Variants in OCA2 observed in about 807,000 individuals in gnomAD.
The protein encoded by OCA2 is P protein.
Under a neutral mutation model 100.2 loss-of-function variants are expected in OCA2, and 77 were observed. The observed-to-expected ratio is 0.77, with a 90% CI of 0.64 to 0.93. The LOEUF is 0.93. Ranked by LOEUF, OCA2 falls within the 40% of genes least tolerant of loss-of-function variation. OCA2 has a pLI of 0.00. For synonymous variants in OCA2, 432 were observed against 439.2 expected (o/e 0.98, Z 0.21); for missense variants, 1,062 against 1,089.1 (o/e 0.98, Z 0.35).
intron 2 of OCA2, among the ~76,000 whole-genome samples, chr15:28,057,416 G>A (rs925446162): frequency 6.6e-6 from 1 of 152,078 alleles, no homozygotes; most frequent in African/African-American, 2.4e-5. Context: ...GGCCTGCACT[G>A]TGAGAAGCCT....
intron 18 of OCA2, among the ~76,000 whole-genome samples, chr15:27,949,084 A>G (rs917322890): frequency 1.3e-5 from 2 of 150,550 alleles, no homozygotes; most frequent in Non-Finnish European, 3.0e-5. Context: ...GCTCTATGAT[A>G]ATAAAAAAAA....
chr15:27,831,386 G>A (rs1650644153), intron 23 of OCA2, among the ~76,000 whole-genome samples: 1 of 151,876 alleles, frequency 6.6e-6, no homozygotes, highest in Non-Finnish European at 1.5e-5. Flanking sequence ...GCTGCATTTC[G>A]GAAATTTCCA....
At chr15:27,838,032 C>T (rs557633245) in intron 23 of OCA2, among the ~76,000 whole-genome samples, 1 of 152,136 alleles carries the variant, frequency 6.6e-6, no homozygotes, top group Non-Finnish European at 1.5e-5. Context: ...GCTGACTGCC[C>T]CGTGCAAGGC....
intron 23 of OCA2, among the ~76,000 whole-genome samples, chr15:27,811,093 A>C (rs2034057306): frequency 6.6e-6 from 1 of 152,210 alleles, no homozygotes; most frequent in Non-Finnish European, 1.5e-5. Flanking sequence ...AGCGCAATTC[A>C]CAACTGCAAA....
the OCA2 span, among the ~76,000 whole-genome samples, chr15:27,727,960 G>A: frequency 6.6e-6 from 1 of 152,170 alleles, no homozygotes; most frequent in Admixed American, 6.5e-5. Context: ...GGACATCTTT[G>A]GGGATGAAGC....
intron 19 of OCA2, among the ~76,000 whole-genome samples, chr15:27,914,389 A>G (rs1050743607): frequency 6.6e-6 from 1 of 152,160 alleles, no homozygotes; most frequent in African/African-American, 2.4e-5. Flanking sequence ...AAGAAATAAA[A>G]GACATCCAAA....
chr15:27,985,122 G>T lies in OCA2; in HGVS notation c.1306C>A (p.Leu436Ile), dbSNP rs2041306820. 1 of 1,613,936 alleles carries T rather than the reference G, an allele frequency of 6.2e-7. No homozygotes were observed. The highest frequency in any genetic ancestry group is 1.7e-5 in the Admixed American group (1 of 60,004). ...GTGACGTTGTCCAAGAAGGCAGAGA[G>T]GACGGCCGCGATGAGACAGAGCATG... ...IIMLCLIAAV[L>I]SAFLDNVTTM... Residue 436 changes from leucine (L) to isoleucine (I), a missense_variant, in exon 13 of 24, where the codon CTC (leucine) becomes ATC (isoleucine). Coordinates refer to ENST00000354638, the MANE Select transcript of OCA2 (RefSeq NM_000275.3).
the OCA2 span, among the ~76,000 whole-genome samples, chr15:27,730,074 C>T: frequency 1.3e-5 from 2 of 152,188 alleles, no homozygotes; most frequent in Non-Finnish European, 2.9e-5. Flanking sequence ...TCCCTCAAGA[C>T]CACCCCAACT....
At chr15:27,892,135 C>T (rs1197712332) in intron 19 of OCA2, among the ~76,000 whole-genome samples, 2 of 152,112 alleles carry the variant, frequency 1.3e-5, no homozygotes, top group South Asian at 2.1e-4. Flanking sequence ...ATAAATAACT[C>T]ACCCTCAGAA....
chr15:27,995,813 C>CTTTT (rs768060710), intron 9 of OCA2, among the ~76,000 whole-genome samples: 1 of 136,816 alleles, frequency 7.3e-6, no homozygotes. Flanking sequence ...TTAAGCAACA[C>CTTTT]TTTTTTTTTT....
intron 23 of OCA2, among the ~76,000 whole-genome samples, chr15:27,833,356 C>A (rs1259059195): frequency 1.3e-5 from 2 of 152,166 alleles, no homozygotes; most frequent in African/African-American, 4.8e-5. Flanking sequence ...TGCGGAGCTG[C>A]ACTCCATTGT....
chr15:27,916,592 T>G (rs1170302303), intron 19 of OCA2, among the ~76,000 whole-genome samples: 1 of 152,208 alleles, frequency 6.6e-6, no homozygotes, highest in Non-Finnish European at 1.5e-5. Flanking sequence ...CTTCTAAATC[T>G]GCAGAAACAT....
intron 19 of OCA2, among the ~76,000 whole-genome samples, chr15:27,882,005 T>C (rs910245471): frequency 6.6e-6 from 1 of 152,180 alleles, no homozygotes; most frequent in Admixed American, 6.5e-5. Flanking sequence ...GATGTGGGCA[T>C]TTGGTGCTGT....
chr15:27,941,855 A>G (rs1369847248), intron 18 of OCA2, among the ~76,000 whole-genome samples: 2 of 152,240 alleles, frequency 1.3e-5, no homozygotes, highest in Non-Finnish European at 2.9e-5. Flanking sequence ...ACAAGTTCAC[A>G]TGTTATTTAG....
chr15:27,720,081 G>C, the OCA2 span, among the ~76,000 whole-genome samples: 1 of 152,184 alleles, frequency 6.6e-6, no homozygotes, highest in Non-Finnish European at 1.5e-5. Context: ...GGTAATTAAA[G>C]TATTAAGTAT....
intron 2 of OCA2, among the ~76,000 whole-genome samples, chr15:28,046,852 G>A (rs1417143650): frequency 6.6e-6 from 1 of 152,142 alleles, no homozygotes; most frequent in Non-Finnish European, 1.5e-5. Flanking sequence ...CACAAGCCTG[G>A]CTTTACTCTT....
chr15:27,816,590 G>A (rs1038356487), intron 23 of OCA2, among the ~76,000 whole-genome samples: 1 of 152,016 alleles, frequency 6.6e-6, no homozygotes, highest in African/African-American at 2.4e-5. Flanking sequence ...ACTTCGCAGG[G>A]AAGGTGCCCC....
chr15:28,062,459 A>G (rs1044694296), intron 2 of OCA2, among the ~76,000 whole-genome samples: 4 of 152,174 alleles, frequency 2.6e-5, no homozygotes, highest in Admixed American at 1.3e-4. Flanking sequence ...TATTCCGAAT[A>G]CTAGTCCCTT....
intron 2 of OCA2, among the ~76,000 whole-genome samples, chr15:28,055,405 T>G (rs985627027): frequency 2.0e-5 from 3 of 152,240 alleles, no homozygotes; most frequent in African/African-American, 4.8e-5. Context: ...GCACTGAGAC[T>G]TCTTCCAGGT....
Sources: allele counts gnomAD v4.1 joint callset (sites outside exome capture counted in the v4.1 genomes callset), GRCh38; gene constraint gnomAD v4.1.1; transcripts MANE v1.5; gene names NCBI Gene and HGNC (gene_info 2026-07-23, HGNC 2026-07-21).